RBFOX1: variants seen among roughly 807,000 people sequenced by gnomAD.
The protein encoded by RBFOX1 is RNA binding protein fox-1 homolog 1.
RBFOX1 carries 8 observed loss-of-function variants against 57.7 expected under a neutral mutation model. The ratio of observed to expected loss-of-function variants is 0.14; its 90% confidence interval spans 0.08 to 0.25. The LOEUF is 0.25. Among genes scored for constraint, RBFOX1 ranks in the 10% least tolerant of loss-of-function variants. The pLI, the probability that RBFOX1 is intolerant of heterozygous loss-of-function variation, is 1.00. For synonymous variants in RBFOX1, 326 were observed against 222.4 expected (o/e 1.47, Z -4.15); for missense variants, 611 against 548.5 (o/e 1.11, Z -1.14).
At chr16:7,055,091 A>G (rs2051675794) in intron 4 of RBFOX1, among the ~76,000 whole-genome samples, 1 of 152,174 alleles carries the variant, frequency 6.6e-6, no homozygotes, top group Non-Finnish European at 1.5e-5. Flanking sequence ...AGTCTTTAAA[A>G]TGATCATATG....
chr16:6,854,453 A>G (rs2057418726), intron 3 of RBFOX1, among the ~76,000 whole-genome samples: 2 of 152,094 alleles, frequency 1.3e-5, no homozygotes, highest in Non-Finnish European at 2.9e-5. Flanking sequence ...ATTCAATGGC[A>G]TGTTACACCT....
chr16:7,177,533 A>G (rs992094212), intron 4 of RBFOX1, among the ~76,000 whole-genome samples: 5 of 152,078 alleles, frequency 3.3e-5, no homozygotes, highest in African/African-American at 1.2e-4. Context: ...GGGATGCTTT[A>G]TATGGTTTTC....
chr16:6,908,118 C>T (rs952649631), intron 3 of RBFOX1, among the ~76,000 whole-genome samples: 1 of 151,778 alleles, frequency 6.6e-6, no homozygotes, highest in Non-Finnish European at 1.5e-5. Context: ...GTTAGGACAT[C>T]CACATGTTTT....
intron 3 of RBFOX1, among the ~76,000 whole-genome samples, chr16:6,990,412 C>G (rs2091228635): frequency 6.6e-6 from 1 of 152,054 alleles, no homozygotes; most frequent in African/African-American, 2.4e-5. Context: ...GTAATCCCAG[C>G]TATTCAGGAG....
chr16:7,042,891 A>T (rs1299642676), intron 3 of RBFOX1, among the ~76,000 whole-genome samples: 1 of 152,182 alleles, frequency 6.6e-6, no homozygotes, highest in Non-Finnish European at 1.5e-5. Flanking sequence ...GCGCCACTGC[A>T]CTCCAGCCTG....
chr16:6,408,879 G>C (rs1329583599), intron 2 of RBFOX1, among the ~76,000 whole-genome samples: 2 of 152,060 alleles, frequency 1.3e-5, no homozygotes, highest in South Asian at 2.1e-4. Flanking sequence ...ATGTTTTCTT[G>C]TAGCTAGCTC....
chr16:5,973,299 T>C lies in RBFOX1; in HGVS notation c.351+105964T>C, dbSNP rs1226980954. Among the ~76,000 whole-genome samples the C allele has an allele frequency of 3.3e-5, 5 of 152,212 alleles. No individual in the cohort carries two copies. In the South Asian group the frequency reaches 1.0e-3, roughly 32 times the overall value. On this transcript the variant is annotated intron_variant, in intron 4 of 19. Coordinates refer to the RBFOX1 transcript ENST00000641259. ...TGATTTAAACGTCATATGTCTTTGA[T>C]GGTTAGGAGCAATTAGATCTATATC...
chr16:6,921,520 A>G (rs772374054), intron 3 of RBFOX1, among the ~76,000 whole-genome samples: 1 of 152,172 alleles, frequency 6.6e-6, no homozygotes, highest in Non-Finnish European at 1.5e-5. Flanking sequence ...GAGGTCACCC[A>G]TAGTTCCTTC....
At chr16:5,260,943 A>C (rs1208501364) in intron 1 of RBFOX1, 1 of 152,258 alleles carries the variant, frequency 6.6e-6, no homozygotes, top group African/African-American at 2.4e-5. Context: ...TTGTACATTT[A>C]GTTGCCTTCC....
At chr16:7,309,227 A>G (rs80168693) in intron 4 of RBFOX1, among the ~76,000 whole-genome samples, 3,751 of 152,302 alleles carry the variant, frequency 0.025, 157 homozygotes, top group African/African-American at 0.084. Flanking sequence ...AAGAGAAGGC[A>G]TGAAATGTTA....
intron 2 of RBFOX1, among the ~76,000 whole-genome samples, chr16:5,582,357 T>C (rs1433202474): frequency 6.6e-6 from 1 of 152,136 alleles, no homozygotes; most frequent in Admixed American, 6.5e-5. Flanking sequence ...GGCATTGGAC[T>C]GGAGCCGGTG....
intron 1 of RBFOX1, among the ~76,000 whole-genome samples, chr16:6,186,913 A>C (rs1211042974): frequency 1.3e-5 from 2 of 152,212 alleles, no homozygotes; most frequent in African/African-American, 4.8e-5. Flanking sequence ...ATCTTCGCTC[A>C]ATACTCTCGT....
intron 3 of RBFOX1, among the ~76,000 whole-genome samples, chr16:6,858,366 C>G (rs930163868): frequency 1.3e-5 from 2 of 152,126 alleles, no homozygotes. Context: ...AGAGCAGATT[C>G]GTGATACTTT....
Position 6,282,105 on chromosome 16 carries a change from T to C in RBFOX1, c.-126-34890T>C, listed in dbSNP as rs117462889. 2.8e-4 allele frequency among the ~76,000 whole-genome samples: 42 copies of C among 152,296 alleles called. No individual in the cohort carries two copies. The East Asian group carries it at 7.4e-3, about 27-fold the overall frequency. Reference sequence around the variant, plus strand: ...AAGTAAGAGTTCTGAATTAAAGGTATCACCTCTAAGTTTTAATTTTTGCAG... The same window carrying C: ...AAGTAAGAGTTCTGAATTAAAGGTACCACCTCTAAGTTTTAATTTTTGCAG... On this transcript the variant is annotated intron_variant, in intron 1 of 15. Coordinates refer to ENST00000550418, the MANE Select transcript of RBFOX1 (RefSeq NM_018723.4).
chr16:7,613,629 C>G (rs2057940677), intron 10 of RBFOX1, among the ~76,000 whole-genome samples: 1 of 151,896 alleles, frequency 6.6e-6, no homozygotes, highest in Non-Finnish European at 1.5e-5. Flanking sequence ...TTACCCATAC[C>G]AAAGGTATTG....
chr16:6,501,152 T>TTTA (rs2095907930), intron 2 of RBFOX1, among the ~76,000 whole-genome samples: 3 of 146,040 alleles, frequency 2.1e-5, no homozygotes, highest in Non-Finnish European at 4.5e-5. Flanking sequence ...TTTTTTTTTT[T>TTTA]ATTTCACTTG....
At chr16:5,926,449 G>A (rs1477138078) in intron 4 of RBFOX1, among the ~76,000 whole-genome samples, 1 of 152,110 alleles carries the variant, frequency 6.6e-6, no homozygotes, top group East Asian at 1.9e-4. Context: ...TCTAGTGTAG[G>A]CAGGGCAGGA....
chr16:5,340,380 A>G (rs1037390104), intron 1 of RBFOX1, among the ~76,000 whole-genome samples: 2 of 152,212 alleles, frequency 1.3e-5, no homozygotes, highest in Non-Finnish European at 2.9e-5. Context: ...ATAAAATTGT[A>G]TCATTAGTTG....
intron 1 of RBFOX1, among the ~76,000 whole-genome samples, chr16:5,396,323 G>A (rs764932523): frequency 6.6e-6 from 1 of 152,076 alleles, no homozygotes; most frequent in Non-Finnish European, 1.5e-5. Context: ...GAATCAAGAT[G>A]GGTCAGTAGG....
Sources: allele counts gnomAD v4.1 joint callset (sites outside exome capture counted in the v4.1 genomes callset), GRCh38; gene constraint gnomAD v4.1.1; transcripts MANE v1.5; gene names NCBI Gene and HGNC (gene_info 2026-07-23, HGNC 2026-07-21).